Variants in PCDHA11 observed in about 807,000 individuals in gnomAD.
The protein encoded by PCDHA11 is protocadherin alpha-11.
PCDHA11 carries 61 observed loss-of-function variants against 70.3 expected under a neutral mutation model. That is an observed-to-expected ratio of 0.87 (90% CI 0.71 to 1.07). PCDHA11 has a LOEUF of 1.07. Among genes scored for constraint, PCDHA11 ranks in the 50% least tolerant of loss-of-function variants. The pLI, the probability that PCDHA11 is intolerant of heterozygous loss-of-function variation, is 0.00. For missense variants in PCDHA11, 1,324 were observed against 1,237.5 expected, an observed-to-expected ratio of 1.07 and a Z score of -1.05; for synonymous variants, 633 against 555.1, an observed-to-expected ratio of 1.14 and a Z score of -1.97.
chr5:140,893,048 T>C (rs1462017776), intron 1 of PCDHA11, among the ~76,000 whole-genome samples: 1 of 152,250 alleles, frequency 6.6e-6, no homozygotes, highest in Non-Finnish European at 1.5e-5. Flanking sequence ...CCCTCCAGGC[T>C]CAGCCATACT....
At chr5:140,979,052 G>T (rs2096833352) in intron 2 of PCDHA11, 45 bp downstream of exon 2, 1 of 1,609,668 alleles carries the variant, frequency 6.2e-7, no homozygotes, top group Non-Finnish European at 8.5e-7. Context: ...CCTTAACTTG[G>T]TATGGCTCAG....
At chr5:140,883,773 G>T (rs1362933627) in intron 1 of PCDHA11, 4 of 1,612,256 alleles carry the variant, frequency 2.5e-6, no homozygotes, top group Admixed American at 1.7e-5. Flanking sequence ...GTGGGCGAGC[G>T]TGCGCTGTCG....
At chr5:140,887,062 C>A (rs1183265871) in intron 1 of PCDHA11, among the ~76,000 whole-genome samples, 2 of 151,718 alleles carry the variant, frequency 1.3e-5, no homozygotes, top group African/African-American at 4.8e-5. Flanking sequence ...GTTCTGGCAA[C>A]AAATTCACTC....
At chr5:140,953,126 C>T (rs1284922743) in intron 1 of PCDHA11, among the ~76,000 whole-genome samples, 2 of 152,096 alleles carry the variant, frequency 1.3e-5, no homozygotes, top group African/African-American at 2.4e-5. Flanking sequence ...AGATCTAAAC[C>T]GTATCACTGT....
At chr5:141,009,217 G>T (rs1554262066) in intron 3 of PCDHA11, among the ~76,000 whole-genome samples, 1 of 152,234 alleles carries the variant, frequency 6.6e-6, no homozygotes, top group African/African-American at 2.4e-5. Flanking sequence ...CACTTTGGGA[G>T]GCCAAGGTGG....
intron 1 of PCDHA11, among the ~76,000 whole-genome samples, chr5:140,874,942 C>T (rs2055181968): frequency 6.6e-6 from 1 of 152,060 alleles, no homozygotes; most frequent in African/African-American, 2.4e-5. Context: ...ATTGAAACAG[C>T]GGAATTGTAA....
intron 1 of PCDHA11, among the ~76,000 whole-genome samples, chr5:140,923,038 T>C (rs529637754): frequency 1.2e-4 from 19 of 152,316 alleles, no homozygotes; most frequent in Admixed American, 1.0e-3. Context: ...TTACTACATG[T>C]ATAGTATTTA....
At chr5:140,942,876 T>C (rs2093384814) in intron 1 of PCDHA11, among the ~76,000 whole-genome samples, 1 of 152,052 alleles carries the variant, frequency 6.6e-6, no homozygotes, top group Non-Finnish European at 1.5e-5. Context: ...GCATGACAAC[T>C]TTTTTCCTAA....
chr5:140,913,237 C>A (rs2076260841), intron 1 of PCDHA11, among the ~76,000 whole-genome samples: 1 of 152,080 alleles, frequency 6.6e-6, no homozygotes, highest in Non-Finnish European at 1.5e-5. Context: ...TGCTGGGAGA[C>A]TTTTTGTTAC....
intron 1 of PCDHA11, chr5:140,966,591 C>A (rs2096024240): frequency 1.7e-6 from 1 of 588,704 alleles, no homozygotes; most frequent in Non-Finnish European, 2.7e-6. Flanking sequence ...GACGGTGGGG[C>A]CAGGAGCCCT....
At chr5:140,973,760 A>T (rs2153800993) in intron 1 of PCDHA11, among the ~76,000 whole-genome samples, 1 of 152,376 alleles carries the variant, frequency 6.6e-6, no homozygotes, top group Admixed American at 6.5e-5. Flanking sequence ...GCAGGGACAC[A>T]GCCTGGCATA....
At chr5:140,924,944 T>TA (rs11334471) in intron 1 of PCDHA11, among the ~76,000 whole-genome samples, 37 of 142,946 alleles carry the variant, frequency 2.6e-4, no homozygotes, top group Non-Finnish European at 4.2e-4. Context: ...AATAAAAAGT[T>TA]AAAAAAAAAA....
At chr5:140,966,666 C>T (rs2153748360) in intron 1 of PCDHA11, 7 of 1,259,308 alleles carry the variant, frequency 5.6e-6, no homozygotes, top group Non-Finnish European at 7.2e-6. Context: ...GGGGAGCAGG[C>T]GCAGGGTGGC....
At chr5:140,986,355 T>G (rs1381730343) in intron 3 of PCDHA11, among the ~76,000 whole-genome samples, 6 of 152,154 alleles carry the variant, frequency 3.9e-5, no homozygotes, top group African/African-American at 1.4e-4. Context: ...CTTCTTCAGA[T>G]GGAGGAATGC....
At chr5:140,949,264 G>T (rs139292588) in intron 1 of PCDHA11, among the ~76,000 whole-genome samples, 2 of 151,666 alleles carry the variant, frequency 1.3e-5, no homozygotes, top group African/African-American at 2.4e-5. Flanking sequence ...AACATATCAC[G>T]TGCACTTGAA....
chr5:141,001,943 A>G (rs1197227753), intron 3 of PCDHA11, among the ~76,000 whole-genome samples: 1 of 147,256 alleles, frequency 6.8e-6, no homozygotes, highest in African/African-American at 2.7e-5. Flanking sequence ...GAGCGGAAAT[A>G]AGGAGGAGGG....
intron 1 of PCDHA11, among the ~76,000 whole-genome samples, chr5:140,953,639 AG>A (rs1227582024): frequency 6.6e-6 from 1 of 152,152 alleles, no homozygotes; most frequent in African/African-American, 2.4e-5. Context: ...TATTTTGGCC[AG>A]GAGCTATAGT....
At chr5:140,967,107 G>C (rs782199698) in intron 1 of PCDHA11, 1 of 1,612,994 alleles carries the variant, frequency 6.2e-7, no homozygotes. Flanking sequence ...TGTGAGCAGC[G>C]GCCTCGCTGC....
Position 140,881,345 on chromosome 5 carries a change from T to A in PCDHA11, c.2391+9851T>A, listed in dbSNP as rs2058675594. The A allele has an allele frequency of 4.1e-6, 4 of 985,136 alleles. No individual in the cohort carries two copies. In the African/African-American group the frequency reaches 7.0e-5, roughly 17 times the overall value. The allele number at this position is 985,136 out of a possible 1,614,324, so 61.0% of individuals were successfully genotyped here. A position where few individuals can be genotyped will look rare whatever the true frequency, so the allele number is the denominator to read the frequency against. On this transcript the variant is annotated intron_variant, in intron 1 of 3. Transcript: ENST00000398640. ...ATTTAACCAGGACGCCGATTCGGGC[T>A]ACAATGCGTGGCTTTCGTATGAATT... is the stretch of plus-strand genomic sequence containing the variant.
Sources: gnomAD v4.1 joint callset for allele counts (sites outside exome capture counted in the v4.1 genomes callset) on GRCh38, gnomAD v4.1.1 for gene constraint, MANE v1.5 for transcripts, NCBI Gene and HGNC (gene_info 2026-07-23, HGNC 2026-07-21) for gene names.